BRAT1: variants seen among roughly 807,000 people sequenced by gnomAD.
BRAT1 encodes integrator complex assembly factor BRAT1.
BRAT1 carries 74 observed loss-of-function variants against 70.6 expected under a neutral mutation model. The ratio of observed to expected loss-of-function variants is 1.05; its 90% CI spans 0.87 to 1.27. BRAT1 has a LOEUF of 1.27. Among genes scored for constraint, BRAT1 ranks in the 50% most tolerant of loss-of-function variants. The pLI is 0.00. For synonymous variants in BRAT1, 615 were observed against 517.1 expected (o/e 1.19, Z -2.57); for missense variants, 1,203 against 1,098.2 (o/e 1.10, Z -1.35).
intron 4 of BRAT1, among the ~76,000 whole-genome samples, chr7:2,544,473 A>G (rs1213678646): frequency 6.6e-6 from 1 of 152,086 alleles, no homozygotes; most frequent in Non-Finnish European, 1.5e-5. Context: ...AAGTGCTGAG[A>G]TTACAGGCGT....
At chr7:2,540,953 C>T (rs1779101961) in intron 10 of BRAT1, 26 bp downstream of exon 10, 4 of 1,510,708 alleles carry the variant, frequency 2.6e-6, no homozygotes, top group Non-Finnish European at 3.5e-6. Context: ...CCCTCCTCTC[C>T]TCGCTCTCTA....
intron 10 of BRAT1, 148 bp downstream of exon 10, chr7:2,540,831 T>C: frequency 2.4e-6 from 2 of 838,568 alleles, no homozygotes; most frequent in Non-Finnish European, 1.7e-6. Context: ...TGCAGCCACC[T>C]GCATCGTGAA....
At chr7:2,553,012 G>A (rs896143908) in intron 2 of BRAT1, among the ~76,000 whole-genome samples, 7 of 151,956 alleles carry the variant, frequency 4.6e-5, no homozygotes, top group African/African-American at 1.7e-4. Context: ...CCAAAGTGCT[G>A]GGATTACAGG....
At chr7:2,541,876 T>TCAGCCTCCCCACGGTCAC in intron 7 of BRAT1, 40 bp from the exon 8 acceptor site, 3 of 1,599,696 alleles carry the variant, frequency 1.9e-6, no homozygotes, top group South Asian at 1.1e-5. Context: ...AGAGAGCACT[T>TCAGCCTCCCCACGGTCAC]CAGCCTCCCC....
Position 2,544,927 on chromosome 7 carries a change from G to T in BRAT1, c.412C>A (p.Arg138Ser). The change falls in exon 4 of 14, where the codon CGC becomes AGC. Residue 138 changes from arginine to serine, a missense_variant. Physicochemically the swap from Arg to Ser is moderately radical, Grantham distance 110 (BLOSUM62 -1). Transcript: ENST00000340611. Reference sequence around the variant, plus strand: ...CACTCACCATGGTCGGCCAGGAAGCGCAGGGCGCTGGGGTGCTGTGCCAGG... The same window carrying T: ...CACTCACCATGGTCGGCCAGGAAGCTCAGGGCGCTGGGGTGCTGTGCCAGG... Reference protein sequence around the residue: ...RSLAQHPSALRFLADHGAVDT... With the variant: ...RSLAQHPSALSFLADHGAVDT... The T allele has an allele frequency of 6.4e-7, 1 of 1,551,864 alleles. No homozygotes were observed. The highest frequency in any genetic ancestry group is 8.7e-7 in the Non-Finnish European group (1 of 1,147,782).
Position 2,540,034 on chromosome 7 carries a change from C to G in BRAT1, c.1396-146G>C, listed in dbSNP as rs1779026106. 1.2e-5 allele frequency: 7 copies of G among 600,096 alleles called. No homozygotes were observed. The South Asian group carries it at 1.6e-4, about 13-fold the overall frequency. The allele number at this position is 600,096 out of a possible 1,614,324, so 37.2% of individuals were successfully genotyped here. A position where few individuals can be genotyped will look rare whatever the true frequency, so the allele number is the denominator to read the frequency against. On this transcript the variant is annotated intron_variant, in intron 10 of 13. Coordinates refer to ENST00000340611, the MANE Select transcript of BRAT1 (RefSeq NM_152743.4). ...GAGAGAGAAGGGAACGCTGGGCTTCCTTCTTTTTTAGAGACAGGGTCTCAA... is the reference window on the plus strand; with the variant it reads ...GAGAGAGAAGGGAACGCTGGGCTTCGTTCTTTTTTAGAGACAGGGTCTCAA...
Position 2,541,040 on chromosome 7 carries a change from A to G in BRAT1, c.1334T>C (p.Leu445Pro). 3.8e-6 allele frequency: 6 copies of G among 1,569,316 alleles called. No individual in the cohort carries two copies. Among genetic ancestry groups the G allele is most frequent in the Non-Finnish European group, 5.1e-6 (6 of 1,167,034 alleles). ...GAGGACAGCAAGCGCCTGCGTCACCAGCTCCTGGGGGCCTGAGACAGAGGT... is the reference window on the plus strand; with the variant it reads ...GAGGACAGCAAGCGCCTGCGTCACCGGCTCCTGGGGGCCTGAGACAGAGGT... ...TLSQGTGPQELVTQALAVLLE... is the reference protein window; with the variant it reads ...TLSQGTGPQEPVTQALAVLLE... Residue 445 changes from leucine to proline, a missense_variant, in exon 10 of 14, where the codon CTG (leucine) becomes CCG (proline). By Grantham distance (98) the Leu-to-Pro change is moderately conservative. Transcript: ENST00000340611.
chr7:2,545,828 C>A (rs1049504101), intron 3 of BRAT1, among the ~76,000 whole-genome samples: 1 of 152,154 alleles, frequency 6.6e-6, no homozygotes, highest in African/African-American at 2.4e-5. Context: ...CAGACAAGGG[C>A]CCCCGGATTC....
rs140871737 is a variant in BRAT1 at position 2,540,743 on chromosome 7, T to C, written c.1395+236A>G. ...AATTCCCCGCAGGCCGCCTGACCAG[T>C]GCCCCTGCTCCCCACGGCCCCACAC... is the stretch of plus-strand genomic sequence containing the variant. On this transcript the variant is annotated intron_variant, in intron 10 of 13. Transcript: ENST00000340611. 5.0e-3 allele frequency: 2,145 copies of C among 426,148 alleles called. 47 individuals are homozygous for C. The highest frequency in any genetic ancestry group is 0.04 in the African/African-American group (1,942 of 48,688). 26.4% of individuals were successfully genotyped at this position (426,148 alleles called of 1,614,324 possible).
intron 2 of BRAT1, among the ~76,000 whole-genome samples, chr7:2,552,647 T>G (rs1193808050): frequency 3.3e-5 from 5 of 151,348 alleles, no homozygotes; most frequent in Non-Finnish European, 7.4e-5. Flanking sequence ...TAGCAGAAAT[T>G]AACAACATGC....
Position 2,539,777 on chromosome 7 carries a change from C to A in BRAT1, c.1498+9G>T, listed in dbSNP as rs1778999928. On this transcript the variant is annotated intron_variant, in intron 11 of 13. Coordinates refer to ENST00000340611, the MANE Select transcript of BRAT1 (RefSeq NM_152743.4). ...CAGCTCCGTTCACCCCTGCAAGGGG[C>A]TGCGTTACCTCTGAGGAACTGCGGG... is the stretch of plus-strand genomic sequence containing the variant. 42 of 1,607,706 alleles carry A rather than the reference C, an allele frequency of 2.6e-5. No individual in the cohort carries two copies. Among genetic ancestry groups the A allele is most frequent in the Non-Finnish European group, 3.6e-5 (42 of 1,177,236 alleles).
chr7:2,538,167 CG>C lies in BRAT1; in HGVS notation c.2367del (p.Glu790ArgfsTer91). 6.2e-7 allele frequency: 1 copy of C among 1,609,054 alleles called. No homozygotes were observed. Among genetic ancestry groups the C allele is most frequent in the Non-Finnish European group, 8.5e-7 (1 of 1,177,284 alleles). On this transcript the variant is annotated frameshift_variant, in exon 14 of 14. Coordinates refer to ENST00000340611, the MANE Select transcript of BRAT1 (RefSeq NM_152743.4). LOFTEE classifies it high-confidence loss of function. ...LDLEGLRSTL[A>X]ESSDHVEKSP... ...CTCTTTTCCACGTGGTCGCTGCTCT[CG>C]GCCAGCGTGCTCCGCAGGCCCTCCA... is the stretch of plus-strand genomic sequence containing the variant.
At chr7:2,549,165 T>TA (rs1779821600) in intron 2 of BRAT1, among the ~76,000 whole-genome samples, 1 of 152,102 alleles carries the variant, frequency 6.6e-6, no homozygotes, top group Non-Finnish European at 1.5e-5. Flanking sequence ...TCAGACTTTT[T>TA]AAAAAATCCG....
At chr7:2,540,654 G>A (rs554826559) in intron 10 of BRAT1, 4 of 294,406 alleles carry the variant, frequency 1.4e-5, no homozygotes, top group South Asian at 1.2e-4. Flanking sequence ...CACAAATGGC[G>A]CTTAGGAGAA....
At chr7:2,553,402 G>A (rs2128414383) in intron 2 of BRAT1, among the ~76,000 whole-genome samples, 1 of 152,162 alleles carries the variant, frequency 6.6e-6, no homozygotes, top group East Asian at 1.9e-4. Context: ...AATTAATTAT[G>A]GTCTATTCCT....
chr7:2,543,469 G>A lies in BRAT1; in HGVS notation c.803+121C>T, dbSNP rs1779341356. The A allele has an allele frequency of 2.0e-6, 3 of 1,479,572 alleles. No individual in the cohort carries two copies. The highest frequency in any genetic ancestry group is 4.7e-5 in the Admixed American group (2 of 42,520). The allele number at this position is 1,479,572 out of a possible 1,614,324, so 91.7% of individuals were successfully genotyped here. A position where few individuals can be genotyped will look rare whatever the true frequency, so the allele number is the denominator to read the frequency against. ...ATGAGGGTTCCAGGGTCACCCCGGT[G>A]CCGCTTCACTGCAGGCCATGTCCTC... is the stretch of plus-strand genomic sequence containing the variant. On this transcript the variant is annotated intron_variant, in intron 5 of 13. Coordinates refer to ENST00000340611, the MANE Select transcript of BRAT1 (RefSeq NM_152743.4). The surrounding 1 kb of genome is among the most constrained non-coding windows in gnomAD (Gnocchi z 5.5).
intron 2 of BRAT1, among the ~76,000 whole-genome samples, chr7:2,553,858 G>A (rs1016375687): frequency 6.6e-6 from 1 of 151,454 alleles, no homozygotes; most frequent in East Asian, 1.9e-4. Context: ...GTTGGACCAG[G>A]CTGGTCTTGA....
At chr7:2,541,224 G>C (rs938416768) in intron 9 of BRAT1, 74 bp downstream of exon 9, 11 of 1,483,528 alleles carry the variant, frequency 7.4e-6, no homozygotes, top group Non-Finnish European at 9.9e-6. Context: ...AGCAGTTCCC[G>C]GGTGCCTCCG....
At chr7:2,552,044 A>G (rs1780041506) in intron 2 of BRAT1, among the ~76,000 whole-genome samples, 1 of 137,734 alleles carries the variant, frequency 7.3e-6, no homozygotes, top group Non-Finnish European at 1.6e-5. Context: ...TGTAAGATGT[A>G]GCTAAAGTCA....
Sources: gnomAD v4.1 joint callset for allele counts (sites outside exome capture counted in the v4.1 genomes callset) on GRCh38, gnomAD v4.1.1 for gene constraint, Gnocchi (gnomAD v3.1) non-coding constraint, MANE v1.5 for transcripts, NCBI Gene and HGNC (gene_info 2026-07-23, HGNC 2026-07-21) for gene names.